The following PDGFD variants were observed in gnomAD, a reference collection of about 807,000 sequenced individuals.
PDGFD encodes the protein platelet-derived growth factor D.
PDGFD carries 30 observed loss-of-function variants against 44.7 expected under a neutral mutation model. The observed-to-expected ratio is 0.67, with a 90% CI of 0.50 to 0.91. PDGFD has a LOEUF of 0.91. Among genes scored for constraint, PDGFD ranks in the 40% least tolerant of loss-of-function variants. PDGFD has a pLI of 0.00. For synonymous variants in PDGFD, 173 were observed against 168.4 expected, an observed-to-expected ratio of 1.03 and a Z score of -0.21; for missense variants, 445 against 457.8, an observed-to-expected ratio of 0.97 and a Z score of 0.25.
chr11:103,963,077 CA>C (rs978931155), intron 3 of PDGFD, among the ~76,000 whole-genome samples: 11 of 152,060 alleles, frequency 7.2e-5, no homozygotes, highest in Admixed American at 6.6e-4. Flanking sequence ...ATTCCTACAT[CA>C]GGGGGCTGTT....
In PDGFD at chr11:104,163,900, G is replaced by C. The variant is rs1160561213; in HGVS notation, c.28C>G (p.Leu10Val). 6.4e-7 allele frequency: 1 copy of C among 1,561,452 alleles called. No homozygotes were observed. Among genetic ancestry groups the C allele is most frequent in the Admixed American group, 1.7e-5 (1 of 58,218 alleles). ...CAGCTGCAAAAGTTTGCGCAGATTA[G>C]AGTGTAGACAAAGATGAGCCGGTGC... Reference protein sequence around the residue: MHRLIFVYTLICANFCSCRD... With the variant: MHRLIFVYTVICANFCSCRD... Residue 10 changes from leucine (L) to valine (V), a missense_variant, in exon 1 of 7, where the codon CTA becomes GTA. Leu to Val is a conservative substitution (Grantham distance 32). Transcript: ENST00000393158.
chr11:104,005,616 C>T (rs774380214), intron 1 of PDGFD, among the ~76,000 whole-genome samples: 10 of 152,172 alleles, frequency 6.6e-5, no homozygotes, highest in Non-Finnish European at 1.5e-4. Context: ...GCAACTATTG[C>T]CAGGTACTCC....
intron 6 of PDGFD, among the ~76,000 whole-genome samples, chr11:103,925,443 C>T (rs181267423): frequency 2.5e-3 from 381 of 151,972 alleles, no homozygotes; most frequent in Non-Finnish European, 4.1e-3. Flanking sequence ...TAACATCTTG[C>T]AAAATATATT....
rs78713734 is a variant in PDGFD at position 104,011,177 on chromosome 11, G to A, written c.125-10922C>T. The stretch of plus-strand genomic sequence containing the variant: ...ACAGTGTGGATCAGAGGCAATGATC[G>A]TAAAATATCCTAATGCTTAAAGTGC... On this transcript the variant is annotated intron_variant, in intron 1 of 6. Transcript: ENST00000393158. Among the ~76,000 whole-genome samples the A allele has an allele frequency of 5.4e-3, 814 of 151,918 alleles. 15 individuals carry two copies. Among genetic ancestry groups the A allele is most frequent in the Non-Finnish European group, 4.4e-3 (296 of 67,888 alleles).
At chr11:104,005,273 A>G (rs1452196215) in intron 1 of PDGFD, among the ~76,000 whole-genome samples, 5 of 152,234 alleles carry the variant, frequency 3.3e-5, no homozygotes, top group Admixed American at 6.5e-5. Flanking sequence ...GAGTTAGAAT[A>G]CAAACCAGGC....
intron 1 of PDGFD, among the ~76,000 whole-genome samples, chr11:104,040,543 T>A (rs1240268405): frequency 6.6e-6 from 1 of 152,084 alleles, no homozygotes; most frequent in Non-Finnish European, 1.5e-5. Context: ...AAAGGCTACA[T>A]CTTTTGCTTG....
intron 3 of PDGFD, among the ~76,000 whole-genome samples, chr11:103,980,178 T>TA (rs1450882939): frequency 1.3e-5 from 2 of 152,094 alleles, no homozygotes; most frequent in Non-Finnish European, 2.9e-5. Flanking sequence ...TCTTTTTCTT[T>TA]AAAAAATCTG....
At chr11:103,961,148 C>A (rs756604102) in intron 3 of PDGFD, among the ~76,000 whole-genome samples, 1 of 152,132 alleles carries the variant, frequency 6.6e-6, no homozygotes, top group Non-Finnish European at 1.5e-5. Flanking sequence ...CACCAAGTAC[C>A]TACAACAGGG....
intron 3 of PDGFD, among the ~76,000 whole-genome samples, chr11:103,987,049 C>T (rs1467203741): frequency 7.3e-6 from 1 of 136,532 alleles, no homozygotes; most frequent in African/African-American, 2.7e-5. Context: ...GACCAATCAG[C>T]ACTCCCCACT....
intron 2 of PDGFD, among the ~76,000 whole-genome samples, chr11:103,997,244 C>T (rs1859547007): frequency 6.6e-6 from 1 of 152,128 alleles, no homozygotes; most frequent in African/African-American, 2.4e-5. Flanking sequence ...GATGGGCATT[C>T]AGGGTGAACA....
At chr11:104,111,262 C>CTTTTTTTTT (rs373944945) in intron 1 of PDGFD, among the ~76,000 whole-genome samples, 2 of 119,646 alleles carry the variant, frequency 1.7e-5, no homozygotes, top group Admixed American at 8.9e-5. Flanking sequence ...ATTATTAATT[C>CTTTTTTTTT]TTTTTTTTTT....
At chr11:104,014,581 T>C (rs988848403) in intron 1 of PDGFD, among the ~76,000 whole-genome samples, 5 of 152,172 alleles carry the variant, frequency 3.3e-5, no homozygotes, top group Non-Finnish European at 7.3e-5. Flanking sequence ...TTTTTTCAGA[T>C]GAGTTAGAAG....
At chr11:104,027,163 T>G (rs928588923) in intron 1 of PDGFD, among the ~76,000 whole-genome samples, 1 of 152,226 alleles carries the variant, frequency 6.6e-6, no homozygotes, top group African/African-American at 2.4e-5. Flanking sequence ...AAGGATGTAT[T>G]TATTCAACCT....
At chr11:104,040,553 G>C (rs1447325436) in intron 1 of PDGFD, among the ~76,000 whole-genome samples, 1 of 151,914 alleles carries the variant, frequency 6.6e-6, no homozygotes, top group Non-Finnish European at 1.5e-5. Flanking sequence ...TCTTTTGCTT[G>C]TCTTCTACAT....
At chr11:104,079,916 T>C (rs1237243766) in intron 1 of PDGFD, among the ~76,000 whole-genome samples, 1 of 152,206 alleles carries the variant, frequency 6.6e-6, no homozygotes, top group Non-Finnish European at 1.5e-5. Flanking sequence ...AGCAGAGCAA[T>C]GAAACTCTAT....
At chr11:103,977,921 A>G (rs1859207656) in intron 3 of PDGFD, among the ~76,000 whole-genome samples, 1 of 150,556 alleles carries the variant, frequency 6.6e-6, no homozygotes, top group Admixed American at 6.6e-5. Context: ...GAACCAGTAA[A>G]GTAGAGATTA....
intron 5 of PDGFD, 52 bp downstream of exon 5, chr11:103,943,400 C>A (rs1858616884): frequency 6.6e-7 from 1 of 1,522,118 alleles, no homozygotes; most frequent in African/African-American, 1.4e-5. Context: ...TCAGCTTGTA[C>A]TGTTAAGATT....
chr11:103,940,806 C>T (rs943159767), intron 5 of PDGFD, among the ~76,000 whole-genome samples: 6 of 152,056 alleles, frequency 3.9e-5, no homozygotes, highest in South Asian at 2.1e-4. Context: ...CCATTTTAAA[C>T]AAGAGATTAA....
At chr11:104,155,139 A>G (rs1350743364) in intron 1 of PDGFD, among the ~76,000 whole-genome samples, 1 of 152,224 alleles carries the variant, frequency 6.6e-6, no homozygotes, top group Non-Finnish European at 1.5e-5. Flanking sequence ...CTTTATTGTC[A>G]TCCAGGCTAC....
Sources: allele counts gnomAD v4.1 joint callset (sites outside exome capture counted in the v4.1 genomes callset), GRCh38; gene constraint gnomAD v4.1.1; transcripts MANE v1.5; gene names NCBI Gene and HGNC (gene_info 2026-07-23, HGNC 2026-07-21).